The following MACROD2 variants were observed in gnomAD, a reference collection of about 807,000 sequenced individuals.
MACROD2 encodes ADP-ribose glycohydrolase MACROD2.
A neutral mutation model predicts 70.4 loss-of-function variants in MACROD2; 36 were observed. The observed-to-expected ratio is 0.51, with a 90% CI of 0.39 to 0.68. The LOEUF is 0.68. MACROD2 is among the 30% of genes least tolerant of loss of function. The pLI is 0.00. For missense variants in MACROD2, 496 were observed against 538.4 expected (o/e 0.92, Z 0.78); for synonymous variants, 172 against 178.8 (o/e 0.96, Z 0.30).
rs561714553 is a variant in MACROD2 at position 14,214,422 on chromosome 20, C to G, written c.271+128694C>G. Among the ~76,000 whole-genome samples the G allele has an allele frequency of 8.5e-5, 13 of 152,172 alleles. No homozygotes were observed. In the East Asian group the frequency reaches 1.7e-3, roughly 20 times the overall value. On this transcript the variant is annotated intron_variant, in intron 3 of 17. Coordinates refer to ENST00000684519, the MANE Select transcript of MACROD2 (RefSeq NM_001351661.2). The stretch of plus-strand genomic sequence containing the variant: ...TTCAAATAGTTGTTTTAAAATTTTT[C>G]TTCAGAGTTTGTAGTTGTTATGTAT...
intron 5 of MACROD2, among the ~76,000 whole-genome samples, chr20:15,216,896 T>C (rs1568644139): frequency 6.6e-6 from 1 of 152,222 alleles, no homozygotes; most frequent in African/African-American, 2.4e-5. Context: ...TGACACACTA[T>C]GTATTTTACA....
In MACROD2 at chr20:16,050,038, G is replaced by T. The variant is rs887016285; in HGVS notation, c.*162G>T. ...CAGCTGCATTTTGTTCCGTTTATCT[G>T]CAGAAAAAGAAAGAAAAAAAAGAAA... On this transcript the variant is annotated 3_prime_UTR_variant, in exon 18 of 18. Coordinates refer to ENST00000684519, the MANE Select transcript of MACROD2 (RefSeq NM_001351661.2). The T allele has an allele frequency of 3.9e-5, 22 of 568,452 alleles. No homozygotes were observed. In the African/African-American group the frequency reaches 3.9e-4, roughly 10 times the overall value. 35.2% of individuals were successfully genotyped at this position (568,452 alleles called of 1,614,324 possible).
At chr20:15,689,306 A>G (rs998978869) in intron 8 of MACROD2, among the ~76,000 whole-genome samples, 2 of 148,818 alleles carry the variant, frequency 1.3e-5, no homozygotes, top group African/African-American at 4.9e-5. Flanking sequence ...TTCCGTCTCA[A>G]AAAAAAAAAA....
intron 3 of MACROD2, among the ~76,000 whole-genome samples, chr20:14,276,590 C>T (rs1028996487): frequency 6.6e-6 from 1 of 151,466 alleles, no homozygotes; most frequent in Admixed American, 6.6e-5. Flanking sequence ...AACTAACCTG[C>T]ACATTGTGCA....
intron 7 of MACROD2, among the ~76,000 whole-genome samples, chr20:15,490,516 A>T (rs140659918): frequency 4.1e-4 from 62 of 152,158 alleles, no homozygotes; most frequent in African/African-American, 1.1e-3. Flanking sequence ...CTGCCAAAAC[A>T]TCCCCAAATG....
At chr20:14,762,272 G>A (rs1294992460) in intron 5 of MACROD2, among the ~76,000 whole-genome samples, 2 of 152,018 alleles carry the variant, frequency 1.3e-5, no homozygotes, top group Non-Finnish European at 2.9e-5. Context: ...CCCTCCTCTC[G>A]AACTTATCTC....
intron 5 of MACROD2, chr20:15,196,950 G>A: frequency 1.2e-5 from 12 of 985,348 alleles, no homozygotes; most frequent in Non-Finnish European, 1.4e-5. Context: ...AAAAATTGGA[G>A]CCCTTTGGGC....
chr20:15,233,995 A>ATG (rs1555795274), intron 6 of MACROD2, among the ~76,000 whole-genome samples: 3 of 60,888 alleles, frequency 4.9e-5, no homozygotes, highest in Non-Finnish European at 1.1e-4. Flanking sequence ...ATATATATAT[A>ATG]TATATATATA....
intron 13 of MACROD2, among the ~76,000 whole-genome samples, chr20:15,975,248 G>A (rs1277551950): frequency 2.0e-5 from 3 of 152,094 alleles, no homozygotes; most frequent in African/African-American, 7.2e-5. Context: ...CACAAAATTA[G>A]TGGAAATAGG....
At chr20:15,461,006 A>ATATATATATATATATATATATATATTTTT in intron 7 of MACROD2, among the ~76,000 whole-genome samples, 2 of 66,980 alleles carry the variant, frequency 3.0e-5, no homozygotes, top group Non-Finnish European at 6.6e-5. Flanking sequence ...ATATATATAT[A>ATATATATATATATATATATATATATTTTT]TTTTTTTTTA....
At chr20:15,403,055 C>G (rs1483686648) in intron 6 of MACROD2, among the ~76,000 whole-genome samples, 1 of 152,048 alleles carries the variant, frequency 6.6e-6, no homozygotes, top group Non-Finnish European at 1.5e-5. Flanking sequence ...CAACCTCCAC[C>G]TCCTGGGTTC....
At chr20:14,828,956 C>CT (rs200464102) in intron 5 of MACROD2, among the ~76,000 whole-genome samples, 28,434 of 140,254 alleles carry the variant, frequency 0.2, 2,977 homozygotes, top group East Asian at 0.24. Context: ...TTTTTTCCTT[C>CT]TTTTTTTTTT....
At chr20:14,668,104 T>C (rs1482198885) in intron 4 of MACROD2, among the ~76,000 whole-genome samples, 2 of 151,864 alleles carry the variant, frequency 1.3e-5, no homozygotes, top group Non-Finnish European at 2.9e-5. Flanking sequence ...CAGTGAGCTA[T>C]GATTGCACCA....
At chr20:15,974,513 T>C (rs930596768) in intron 13 of MACROD2, among the ~76,000 whole-genome samples, 2 of 152,014 alleles carry the variant, frequency 1.3e-5, no homozygotes, top group East Asian at 1.9e-4. Context: ...CCAGGAGTTG[T>C]GGGGGTGGGG....
At chr20:15,172,062 T>C (rs1480503789) in intron 5 of MACROD2, among the ~76,000 whole-genome samples, 1 of 152,220 alleles carries the variant, frequency 6.6e-6, no homozygotes, top group African/African-American at 2.4e-5. Context: ...ATTTTTTTCT[T>C]AAAAGACCTA....
intron 4 of MACROD2, among the ~76,000 whole-genome samples, chr20:14,551,794 T>G (rs775275536): frequency 5.3e-5 from 8 of 152,242 alleles, no homozygotes; most frequent in Non-Finnish European, 1.2e-4. Context: ...CATTTAAATT[T>G]TAATTAACTT....
rs775056693 is a variant in MACROD2 at position 15,677,660 on chromosome 20, A to AAACC, written c.645+177856_645+177859dup. 2.5e-3 allele frequency among the ~76,000 whole-genome samples: 336 copies of AAACC among 133,464 alleles called. 1 individual carries two copies. Among genetic ancestry groups the AAACC allele is most frequent in the Middle Eastern group, 7.2e-3 (2 of 278 alleles). 87.6% of individuals were successfully genotyped at this position (133,464 alleles called of 152,430 possible). On this transcript the variant is annotated intron_variant, in intron 8 of 17. Coordinates refer to ENST00000684519, the MANE Select transcript of MACROD2 (RefSeq NM_001351661.2). ...GGCACTTCAAACCCAACCCTCAGGA[A>AAACC]AACCAACCAACCAACCAACCAACCA...
intron 12 of MACROD2, among the ~76,000 whole-genome samples, chr20:15,950,292 G>A (rs1028879401): frequency 3.9e-5 from 6 of 152,086 alleles, no homozygotes; most frequent in Admixed American, 2.0e-4. Context: ...TAATTTTGAA[G>A]GTATGTATTT....
intron 5 of MACROD2, among the ~76,000 whole-genome samples, chr20:15,108,544 T>G (rs548142912): frequency 6.6e-6 from 1 of 152,314 alleles, no homozygotes; most frequent in East Asian, 1.9e-4. Context: ...CCGATTTCCT[T>G]CTAGATACTC....
Sources: allele counts gnomAD v4.1 joint callset (sites outside exome capture counted in the v4.1 genomes callset), GRCh38; gene constraint gnomAD v4.1.1; transcripts MANE v1.5; gene names NCBI Gene and HGNC (gene_info 2026-07-23, HGNC 2026-07-21).